LIFR: variants seen among roughly 807,000 people sequenced by gnomAD.
LIFR encodes LIF receptor subunit alpha.
Under a neutral mutation model 122.2 loss-of-function variants are expected in LIFR, and 84 were observed. The ratio of observed to expected loss-of-function variants is 0.69; its 90% CI spans 0.58 to 0.82. LIFR has a LOEUF of 0.82. LIFR is among the 40% of genes least tolerant of loss of function. LIFR has a pLI of 0.00. For missense variants in LIFR, 1,294 were observed against 1,311.6 expected (o/e 0.99, Z 0.21); for synonymous variants, 422 against 434.7 (o/e 0.97, Z 0.36).
upstream of LIFR, among the ~76,000 whole-genome samples, chr5:38,596,056 G>A (rs1210170768): frequency 6.6e-6 from 1 of 152,166 alleles, no homozygotes; most frequent in East Asian, 1.9e-4. Flanking sequence ...AATCTTAGCA[G>A]CCTGCTTCAT....
intron 13 of LIFR, among the ~76,000 whole-genome samples, chr5:38,495,503 C>T (rs978746874): frequency 1.3e-5 from 2 of 152,198 alleles, no homozygotes; most frequent in Non-Finnish European, 2.9e-5. Context: ...CCCCTTCCTT[C>T]CTCCTAATTC....
In LIFR at chr5:38,479,618, C is replaced by G; in HGVS notation, c.*1977G>C. ...TACTGTAGCCACACTTATCCTTGTC[C>G]TGGAGAGATAAAGTACGGGATTGAT... On this transcript the variant is annotated 3_prime_UTR_variant, in exon 20 of 20. Transcript: ENST00000453190. The G allele has an allele frequency of 4.3e-6, 1 of 230,324 alleles. No homozygotes were observed. The highest frequency in any genetic ancestry group is 8.6e-6 in the Non-Finnish European group (1 of 116,278). The allele number at this position is 230,324 out of a possible 1,614,324, so 14.3% of individuals were successfully genotyped here.
At chr5:38,495,499 C>T (rs1381506953) in intron 13 of LIFR, among the ~76,000 whole-genome samples, 5 of 152,190 alleles carry the variant, frequency 3.3e-5, no homozygotes, top group Non-Finnish European at 5.9e-5. Flanking sequence ...TTTCCCCCTT[C>T]CTTCCTCCTA....
At chr5:38,489,655 G>A (rs1358197478) in intron 15 of LIFR, among the ~76,000 whole-genome samples, 1 of 152,058 alleles carries the variant, frequency 6.6e-6, no homozygotes, top group African/African-American at 2.4e-5. Context: ...TAATTTTCCT[G>A]AGGACGAGTA....
rs1201447964 is a variant in LIFR, at chr5:38,506,066, C to T, written c.1130G>A (p.Gly377Glu). 6.3e-7 allele frequency: 1 copy of T among 1,589,402 alleles called. No homozygotes were observed. ...AGCTCTTTTAAGTCTAACATATTTTCCTGAAAAACTGTTAATTAACAGAAA... is the reference window on the plus strand; with the variant it reads ...AGCTCTTTTAAGTCTAACATATTTTTCTGAAAAACTGTTAATTAACAGAAA... ...TSYTLVESFS[G>E]KYVRLKRAEA... The change falls in exon 9 of 20, where the codon GGA (glycine) becomes GAA (glutamate). Residue 377 changes from glycine (G) to glutamate (E), a missense_variant. Coordinates refer to ENST00000453190, the MANE Select transcript of LIFR (RefSeq NM_001127671.2).
chr5:38,491,195 T>C (rs756312357), intron 14 of LIFR, among the ~76,000 whole-genome samples: 5 of 152,200 alleles, frequency 3.3e-5, no homozygotes, highest in Non-Finnish European at 5.9e-5. Context: ...CCACAGGACA[T>C]AGAGGTACTT....
chr5:38,589,412 C>G (rs988193920), intron 1 of LIFR, among the ~76,000 whole-genome samples: 2 of 151,942 alleles, frequency 1.3e-5, no homozygotes, highest in African/African-American at 4.8e-5. Flanking sequence ...TGTTCCTTAA[C>G]TATTAAAAAA....
In LIFR at chr5:38,481,893, G is replaced by T; in HGVS notation, c.2996C>A (p.Ala999Glu). Residue 999 changes from alanine (A) to glutamate (E), a missense_variant, in exon 20 of 20, where the codon GCA (alanine) becomes GAA (glutamate). Coordinates refer to ENST00000453190, the MANE Select transcript of LIFR (RefSeq NM_001127671.2). The part of the protein sequence containing the change: ...EEQENDPVGG[A>E]GYKPQMHLPI... The stretch of plus-strand genomic sequence containing the variant: ...GAGGTGCATCTGTGGCTTATAGCCT[G>T]CCCCTCCTACAGGGTCATTTTCTTG... 6.2e-7 allele frequency: 1 copy of T among 1,614,140 alleles called. No individual in the cohort carries two copies. Among genetic ancestry groups the T allele is most frequent in the African/African-American group, 1.3e-5 (1 of 75,030 alleles).
At chr5:38,540,250 C>T (rs943568762) in intron 1 of LIFR, among the ~76,000 whole-genome samples, 1 of 152,252 alleles carries the variant, frequency 6.6e-6, no homozygotes, top group South Asian at 2.1e-4. Flanking sequence ...AAGAAACTTA[C>T]GGTTGTTTTG....
chr5:38,521,613 T>C (rs1237573358), intron 5 of LIFR, among the ~76,000 whole-genome samples: 2 of 152,162 alleles, frequency 1.3e-5, no homozygotes, highest in Non-Finnish European at 2.9e-5. Context: ...GGTGGCTTGC[T>C]TGGATGCTGG....
intron 7 of LIFR, among the ~76,000 whole-genome samples, chr5:38,508,863 C>T (rs753930970): frequency 1.4e-4 from 21 of 152,280 alleles, no homozygotes; most frequent in East Asian, 1.2e-3. Context: ...GGATTACAGG[C>T]GTAAGCCACC....
In LIFR at chr5:38,477,385, G is replaced by C. The variant is rs776106608; in HGVS notation, c.*4210C>G. 1.4e-5 allele frequency: 3 copies of C among 211,900 alleles called. No individual in the cohort carries two copies. Among genetic ancestry groups the C allele is most frequent in the Non-Finnish European group, 2.9e-5 (3 of 104,650 alleles). The allele number at this position is 211,900 out of a possible 1,614,324, so 13.1% of individuals were successfully genotyped here. On this transcript the variant is annotated 3_prime_UTR_variant, in exon 20 of 20. Transcript: ENST00000453190. ...TAGAATAAATAAGATGGGCATGACA[G>C]CATGAAACTTCATTTCAGCAGGAAA...
chr5:38,497,784 G>A (rs1744963574), intron 12 of LIFR, among the ~76,000 whole-genome samples: 2 of 151,714 alleles, frequency 1.3e-5, no homozygotes, highest in African/African-American at 4.8e-5. Context: ...GCTAATATAC[G>A]CTTGTCCATA....
chr5:38,536,820 C>T (rs940148380), intron 1 of LIFR, among the ~76,000 whole-genome samples: 10 of 152,176 alleles, frequency 6.6e-5, no homozygotes, highest in African/African-American at 1.9e-4. Flanking sequence ...CTTCAATATG[C>T]GTTCTGCATG....
intron 1 of LIFR, among the ~76,000 whole-genome samples, chr5:38,572,452 C>T (rs2112718747): frequency 6.6e-6 from 1 of 152,300 alleles, no homozygotes; most frequent in African/African-American, 2.4e-5. Context: ...CCACCAGGCC[C>T]CACTGCAACA....
chr5:38,597,686 G>T (rs1029037975), upstream of LIFR, among the ~76,000 whole-genome samples: 2 of 152,172 alleles, frequency 1.3e-5, no homozygotes, highest in African/African-American at 4.8e-5. Context: ...AGCCCCAAAT[G>T]CAGAGGTTGA....
rs1481541175 is a variant in LIFR, at chr5:38,479,576, T to C, written c.*2019A>G. 4.3e-6 allele frequency: 1 copy of C among 230,444 alleles called. No individual in the cohort carries two copies. The highest frequency in any genetic ancestry group is 8.6e-6 in the Non-Finnish European group (1 of 116,368). The allele number at this position is 230,444 out of a possible 1,614,324, so 14.3% of individuals were successfully genotyped here. ...TCTCATTATCTCAGGTTAGCGCCGT[T>C]TAGAGCAATAAACTTTTACTGTAGC... is the stretch of plus-strand genomic sequence containing the variant. On this transcript the variant is annotated 3_prime_UTR_variant, in exon 20 of 20. Transcript: ENST00000453190.
At chr5:38,538,331 A>C (rs1424355508) in intron 1 of LIFR, among the ~76,000 whole-genome samples, 1 of 152,208 alleles carries the variant, frequency 6.6e-6, no homozygotes, top group Non-Finnish European at 1.5e-5. Context: ...AATTACTTCC[A>C]AATCCGTGTT....
intron 1 of LIFR, among the ~76,000 whole-genome samples, chr5:38,571,228 G>A (rs1402267704): frequency 1.3e-5 from 2 of 152,160 alleles, no homozygotes; most frequent in Admixed American, 6.5e-5. Context: ...ATCATTAAGT[G>A]AGCATCTTTC....
Sources: gnomAD v4.1 joint callset for allele counts (sites outside exome capture counted in the v4.1 genomes callset) on GRCh38, gnomAD v4.1.1 for gene constraint, MANE v1.5 for transcripts, NCBI Gene and HGNC (gene_info 2026-07-23, HGNC 2026-07-21) for gene names.